Variants in FAT3 observed in about 807,000 individuals in gnomAD.
FAT3 encodes the protein protocadherin Fat 3.
Under a neutral mutation model 310.2 loss-of-function variants are expected in FAT3, and 95 were observed. The ratio of observed to expected loss-of-function variants is 0.31; its 90% CI spans 0.26 to 0.36. The LOEUF (loss-of-function observed/expected upper bound fraction) is 0.36. FAT3 is among the 10% of genes least tolerant of loss of function. The pLI is 1.00. For missense variants in FAT3, 5,408 were observed against 5,715.6 expected (o/e 0.95, Z 1.74); for synonymous variants, 2,314 against 2,192.9 (o/e 1.06, Z -1.54).
At chr11:92,599,322 T>G (rs188313790) in intron 3 of FAT3, among the ~76,000 whole-genome samples, 17 of 152,148 alleles carry the variant, frequency 1.1e-4, no homozygotes, top group Admixed American at 5.2e-4. Context: ...AAGTACAGAA[T>G]GAAGTGGGGG....
At chr11:92,478,963 T>TTTCTTTCTTTCTTTCTTTCTTTC (rs761360516) in intron 2 of FAT3, among the ~76,000 whole-genome samples, 16 of 132,218 alleles carry the variant, frequency 1.2e-4, no homozygotes, top group Middle Eastern at 3.8e-3. Context: ...TTTTCTTTTC[T>TTTCTTTCTTTCTTTCTTTCTTTC]TTTCTTTTCT....
intron 1 of FAT3, among the ~76,000 whole-genome samples, chr11:92,272,226 A>G (rs1409791679): frequency 1.3e-5 from 2 of 152,096 alleles, no homozygotes; most frequent in Admixed American, 6.6e-5. Flanking sequence ...ACCAGTGTTC[A>G]TTTTGCCCTG....
intron 1 of FAT3, among the ~76,000 whole-genome samples, chr11:92,240,852 G>C (rs540290104): frequency 6.6e-6 from 1 of 152,042 alleles, no homozygotes; most frequent in Admixed American, 6.6e-5. Flanking sequence ...TTTTCAGCTG[G>C]TTTTGCTCAG....
At chr11:92,341,937 C>A (rs189227025) in intron 1 of FAT3, among the ~76,000 whole-genome samples, 2 of 152,252 alleles carry the variant, frequency 1.3e-5, no homozygotes, top group Admixed American at 6.5e-5. Context: ...TTTTAGAGAG[C>A]TGAGTGTGTA....
At chr11:92,564,011 G>C (rs1294623600) in intron 3 of FAT3, among the ~76,000 whole-genome samples, 1 of 151,442 alleles carries the variant, frequency 6.6e-6, no homozygotes, top group Non-Finnish European at 1.5e-5. Context: ...ACATCATAAT[G>C]ACAAGATCAA....
intron 23 of FAT3, 123 bp from the exon 24 acceptor site, chr11:92,882,615 C>G: frequency 2.0e-6 from 1 of 492,470 alleles, no homozygotes; most frequent in Non-Finnish European, 3.2e-6. Flanking sequence ...CTTTGTCCTG[C>G]TTCATCTGTA....
chr11:92,870,188 G>A (rs1949351749), intron 22 of FAT3, among the ~76,000 whole-genome samples: 1 of 152,156 alleles, frequency 6.6e-6, no homozygotes. Flanking sequence ...GTTAAAGCAG[G>A]CAACACACAA....
chr11:92,389,777 G>T (rs1466562775), intron 2 of FAT3, among the ~76,000 whole-genome samples: 2 of 152,106 alleles, frequency 1.3e-5, no homozygotes, highest in Non-Finnish European at 2.9e-5. Context: ...TGAGTGTCAG[G>T]GTACGTGTCA....
intron 3 of FAT3, among the ~76,000 whole-genome samples, chr11:92,628,820 G>A (rs1323789588): frequency 2.0e-5 from 3 of 152,196 alleles, no homozygotes; most frequent in Non-Finnish European, 2.9e-5. Context: ...ATTATTTAAG[G>A]TGATGACTTG....
At chr11:92,232,574 A>G (rs1203627621) in intron 1 of FAT3, among the ~76,000 whole-genome samples, 1 of 138,578 alleles carries the variant, frequency 7.2e-6, no homozygotes, top group Admixed American at 7.2e-5. Context: ...GGATCTTTTT[A>G]GCTGTTGGAA....
In FAT3 at chr11:92,820,345, T is replaced by TA. The variant is rs1427795557; in HGVS notation, c.9481+10270dup. Reference sequence around the variant, plus strand: ...GAGAGATCTGTCTTTCTTCTCTTCTTATGGGTCACTAATCCTATCACATTA... The same window carrying TA: ...GAGAGATCTGTCTTTCTTCTCTTCTTAATGGGTCACTAATCCTATCACATTA... On this transcript the variant is annotated intron_variant, in intron 13 of 27. Coordinates refer to ENST00000525166, the MANE Select transcript of FAT3 (RefSeq NM_001367949.2). Among the ~76,000 whole-genome samples the TA allele has an allele frequency of 2.0e-5, 3 of 152,262 alleles. No individual in the cohort carries two copies. In the East Asian group the frequency reaches 5.8e-4, roughly 29 times the overall value.
At chr11:92,791,171 T>C (rs1430279468) in intron 8 of FAT3, among the ~76,000 whole-genome samples, 2 of 152,216 alleles carry the variant, frequency 1.3e-5, no homozygotes, top group Non-Finnish European at 1.5e-5. Flanking sequence ...GGGTTACTTA[T>C]AGAGGTCTTC....
chr11:92,464,399 C>T (rs1270996026), intron 2 of FAT3, among the ~76,000 whole-genome samples: 4 of 152,304 alleles, frequency 2.6e-5, no homozygotes, highest in African/African-American at 7.2e-5. Context: ...ATTTCCCCTG[C>T]CTTTAATTTT....
chr11:92,655,475 T>G (rs1942543888), intron 3 of FAT3, among the ~76,000 whole-genome samples: 1 of 152,242 alleles, frequency 6.6e-6, no homozygotes, highest in Non-Finnish European at 1.5e-5. Context: ...TAAATTGGTT[T>G]TGTTGGCAGG....
At chr11:92,646,070 CA>C (rs1178444820) in intron 3 of FAT3, among the ~76,000 whole-genome samples, 1 of 152,162 alleles carries the variant, frequency 6.6e-6, no homozygotes, top group African/African-American at 2.4e-5. Context: ...TTACAACAAT[CA>C]ACATTTCATT....
At position 92,800,699 on chromosome 11, in the gene FAT3, C is replaced by A. The variant is rs770764015; in HGVS notation, c.7686C>A (p.Asn2562Lys). ...VITTERLDRE[N>K]PLEGDVSIFV... ...CCACAGAAAGGCTAGACCGGGAAAA[C>A]CCTCTAGAAGGGGATGTTAGTATTT... The change falls in exon 10 of 28, where the codon AAC (asparagine) becomes AAA (lysine). Residue 2562 changes from asparagine to lysine, a missense_variant. This residue lies in a region of FAT3 where 4,588 missense variants were observed against 4,809.8 expected (regional missense o/e 0.95). Transcript: ENST00000525166. 7 of 1,613,678 alleles carry A rather than the reference C, an allele frequency of 4.3e-6. No homozygotes were observed. In the African/African-American group the frequency reaches 5.3e-5, roughly 12 times the overall value.
chr11:92,753,798 G>GTGTGTATATATATATATATATA, intron 4 of FAT3, among the ~76,000 whole-genome samples: 2 of 119,116 alleles, frequency 1.7e-5, no homozygotes, highest in African/African-American at 7.8e-5. Flanking sequence ...GTGTGTGTGT[G>GTGTGTATATATATATATATATA]TATATATATA....
intron 22 of FAT3, among the ~76,000 whole-genome samples, chr11:92,874,055 T>A (rs972194274): frequency 6.6e-6 from 1 of 152,226 alleles, no homozygotes; most frequent in Non-Finnish European, 1.5e-5. Context: ...AGAAAGTTCT[T>A]AGAATTTTTC....
At chr11:92,469,158 T>C (rs1951846464) in intron 2 of FAT3, among the ~76,000 whole-genome samples, 1 of 152,164 alleles carries the variant, frequency 6.6e-6, no homozygotes. Flanking sequence ...AAGGCAGGCA[T>C]GTGGGATCTT....
Sources: gnomAD v4.1 joint callset for allele counts (sites outside exome capture counted in the v4.1 genomes callset) on GRCh38, gnomAD v4.1.1 for gene constraint, gnomAD v4.1.1 regional missense constraint, MANE v1.5 for transcripts, NCBI Gene and HGNC (gene_info 2026-07-23, HGNC 2026-07-21) for gene names.